The following FARS2 variants were observed in gnomAD, a reference collection of about 807,000 sequenced individuals.
FARS2 encodes phenylalanyl-tRNA synthetase 2, mitochondrial.
A neutral mutation model predicts 46.4 loss-of-function variants in FARS2; 40 were observed. The observed-to-expected ratio is 0.86, with a 90% CI of 0.67 to 1.12. The LOEUF is 1.12. FARS2 is among the 50% of genes most tolerant of loss of function. FARS2 has a pLI of 0.00. For missense variants in FARS2, 513 were observed against 567.9 expected (o/e 0.90, Z 0.98); for synonymous variants, 234 against 214.9 (o/e 1.09, Z -0.78).
At chr6:5,445,860 A>C (rs748735745) in intron 4 of FARS2, among the ~76,000 whole-genome samples, 3 of 152,164 alleles carry the variant, frequency 2.0e-5, no homozygotes, top group Admixed American at 6.5e-5. Context: ...AGGCTGAAGG[A>C]AGTGTTTTCT....
intron 2 of FARS2, among the ~76,000 whole-genome samples, chr6:5,393,431 C>G (rs1006325370): frequency 1.3e-5 from 2 of 151,624 alleles, no homozygotes; most frequent in African/African-American, 4.8e-5. Context: ...CTGAGGTGGG[C>G]GGATCGCGAG....
intron 4 of FARS2, among the ~76,000 whole-genome samples, chr6:5,475,538 C>A (rs993655196): frequency 6.6e-6 from 1 of 152,158 alleles, no homozygotes; most frequent in Non-Finnish European, 1.5e-5. Context: ...CACAGTCCTC[C>A]AAAAACTTCC....
At chr6:5,426,295 T>A (rs139097879) in intron 3 of FARS2, among the ~76,000 whole-genome samples, 93 of 152,344 alleles carry the variant, frequency 6.1e-4, no homozygotes, top group African/African-American at 2.2e-3. Flanking sequence ...TCCATATGAT[T>A]TGGATATGCT....
At chr6:5,578,808 C>CAAAAAAAAAA (rs56248218) in intron 5 of FARS2, among the ~76,000 whole-genome samples, 7 of 124,372 alleles carry the variant, frequency 5.6e-5, no homozygotes, top group East Asian at 2.2e-4. Flanking sequence ...CACTCCGTCT[C>CAAAAAAAAAA]AAAAAAAAAA....
At chr6:5,657,395 T>C (rs1219875688) in intron 6 of FARS2, among the ~76,000 whole-genome samples, 1 of 152,150 alleles carries the variant, frequency 6.6e-6, no homozygotes, top group African/African-American at 2.4e-5. Context: ...ACTGATTAGA[T>C]TGACCAATCA....
At chr6:5,327,773 T>C (rs963760713) in intron 1 of FARS2, among the ~76,000 whole-genome samples, 3 of 152,198 alleles carry the variant, frequency 2.0e-5, no homozygotes, top group African/African-American at 7.2e-5. Context: ...TTTCCTTCCT[T>C]TTCTCCTTGC....
At position 5,428,077 on chromosome 6, in the gene FARS2, G is replaced by A. The variant is rs538939645; in HGVS notation, c.773-2964G>A. On this transcript the variant is annotated intron_variant, in intron 3 of 6. Transcript: ENST00000274680. The stretch of plus-strand genomic sequence containing the variant: ...TGTGTAAACAGGGACCTGTCTCTGC[G>A]GAGACGCGGCTTCCTATGAGACCAT... Among the ~76,000 whole-genome samples, 14 of 152,268 alleles carry A rather than the reference G, an allele frequency of 9.2e-5. No homozygotes were observed. The East Asian group carries it at 2.3e-3, about 25-fold the overall frequency.
intron 6 of FARS2, among the ~76,000 whole-genome samples, chr6:5,679,194 C>A (rs780139939): frequency 4.6e-5 from 7 of 152,166 alleles, no homozygotes; most frequent in Non-Finnish European, 7.3e-5. Context: ...GCAAACCTCT[C>A]AGTTTCTAAT....
intron 4 of FARS2, among the ~76,000 whole-genome samples, chr6:5,489,343 A>G (rs927452534): frequency 2.6e-5 from 4 of 152,130 alleles, no homozygotes; most frequent in Non-Finnish European, 2.9e-5. Context: ...AGGCCCAGCT[A>G]CTTGGGAGGC....
intron 1 of FARS2, among the ~76,000 whole-genome samples, chr6:5,360,867 G>A (rs1193217441): frequency 6.6e-6 from 1 of 152,170 alleles, no homozygotes; most frequent in Non-Finnish European, 1.5e-5. Flanking sequence ...AAAAATTGAT[G>A]TCAGTATTCA....
At chr6:5,609,273 C>T (rs996245338) in intron 5 of FARS2, 10 of 1,039,978 alleles carry the variant, frequency 9.6e-6, no homozygotes, top group African/African-American at 3.1e-5. Context: ...ACTGGAACTG[C>T]CCTAGCCACC....
At chr6:5,369,314 A>G (rs1042982692) in intron 2 of FARS2, 132 bp downstream of exon 2, 11 of 846,110 alleles carry the variant, frequency 1.3e-5, no homozygotes, top group Non-Finnish European at 1.3e-5. Context: ...AATCATCCAT[A>G]CTTAATGACA....
intron 5 of FARS2, chr6:5,609,921 T>C: frequency 1.7e-6 from 2 of 1,208,656 alleles, no homozygotes; most frequent in Admixed American, 3.4e-5. Context: ...TTTGAGAATC[T>C]TCTCTTGAGA....
intron 1 of FARS2, among the ~76,000 whole-genome samples, chr6:5,285,436 A>G (rs1424543727): frequency 6.6e-6 from 1 of 152,080 alleles, no homozygotes; most frequent in Non-Finnish European, 1.5e-5. Flanking sequence ...TCCTCTGAAC[A>G]TTTTTCTTAA....
chr6:5,687,715 GT>G (rs370280382), intron 6 of FARS2, among the ~76,000 whole-genome samples: 3 of 152,084 alleles, frequency 2.0e-5, no homozygotes, highest in Non-Finnish European at 4.4e-5. Context: ...CTTTAAAGTA[GT>G]TTTTTTCCAA....
upstream of FARS2, among the ~76,000 whole-genome samples, chr6:5,257,300 G>T (rs1008562782): frequency 6.6e-6 from 1 of 151,956 alleles, no homozygotes; most frequent in Admixed American, 6.6e-5. Flanking sequence ...TGTGCTGTTT[G>T]CCTGCCTGAC....
intron 1 of FARS2, among the ~76,000 whole-genome samples, chr6:5,309,392 T>C (rs568433503): frequency 9.0e-4 from 137 of 152,248 alleles, no homozygotes; most frequent in Non-Finnish European, 1.3e-3. Flanking sequence ...CTTGTTAGTG[T>C]TGAACTTTTA....
intron 4 of FARS2, among the ~76,000 whole-genome samples, chr6:5,463,627 A>G (rs1332599792): frequency 6.6e-6 from 1 of 152,234 alleles, no homozygotes; most frequent in African/African-American, 2.4e-5. Flanking sequence ...TTAATAATAC[A>G]AATTATCTGT....
At chr6:5,432,314 T>TAA (rs775731412) in intron 4 of FARS2, among the ~76,000 whole-genome samples, 1 of 97,460 alleles carries the variant, frequency 1.0e-5, no homozygotes. Flanking sequence ...CACTCAGTCT[T>TAA]AAAAAAAAAA....
Sources: allele counts gnomAD v4.1 joint callset (sites outside exome capture counted in the v4.1 genomes callset), GRCh38; gene constraint gnomAD v4.1.1; transcripts MANE v1.5; gene names NCBI Gene and HGNC (gene_info 2026-07-23, HGNC 2026-07-21).